Variants in LNPEP observed in about 807,000 individuals in gnomAD.
The protein encoded by LNPEP is leucyl and cystinyl aminopeptidase.
In LNPEP, 64 loss-of-function variants were observed where a neutral mutation model predicts 120.6. The observed-to-expected ratio is 0.53, with a 90% CI of 0.43 to 0.65. The LOEUF is 0.65. LNPEP is among the 30% of genes least tolerant of loss of function. LNPEP has a pLI of 0.00. For synonymous variants in LNPEP, 435 were observed against 425.4 expected (o/e 1.02, Z -0.28); for missense variants, 1,057 against 1,200.0 (o/e 0.88, Z 1.76).
chr5:96,953,730 A>AT (rs938324930), intron 1 of LNPEP, among the ~76,000 whole-genome samples: 5 of 152,158 alleles, frequency 3.3e-5, no homozygotes, highest in African/African-American at 1.2e-4. Flanking sequence ...GTATCTTGGT[A>AT]TTTTCTTTTT....
intron 13 of LNPEP, among the ~76,000 whole-genome samples, chr5:97,018,862 G>C (rs190414211): frequency 6.6e-6 from 1 of 152,284 alleles, no homozygotes; most frequent in East Asian, 1.9e-4. Context: ...GTTGTGATGG[G>C]TAGGGTCTGG....
chr5:97,013,623 C>G (rs778785904), intron 11 of LNPEP, 25 bp from the exon 12 acceptor site: 1 of 1,346,876 alleles, frequency 7.4e-7, no homozygotes, highest in South Asian at 2.0e-5. Flanking sequence ...CTCTCTCAAT[C>G]TCTCATTTTT....
At chr5:96,959,066 C>T (rs1359108356) in intron 1 of LNPEP, among the ~76,000 whole-genome samples, 2 of 152,024 alleles carry the variant, frequency 1.3e-5, no homozygotes, top group Admixed American at 6.6e-5. Context: ...CTTCATGATC[C>T]GCTTGCCTTG....
At position 96,979,491 on chromosome 5, in the gene LNPEP, A is replaced by G. The variant is rs149339901; in HGVS notation, c.373A>G (p.Ile125Val). 17 of 1,613,928 alleles carry G rather than the reference A, an allele frequency of 1.1e-5. No individual in the cohort carries two copies. Among genetic ancestry groups the G allele is most frequent in the Non-Finnish European group, 1.4e-5 (16 of 1,179,960 alleles). Residue 125 changes from isoleucine to valine, a missense_variant, in exon 2 of 18, where the codon ATC (isoleucine) becomes GTC (valine). Ile to Val is a conservative substitution (Grantham distance 29). Transcript: ENST00000231368. ...AFVIVVAVSV[I>V]MVIYLLPRCT... The stretch of plus-strand genomic sequence containing the variant: ...TGTCATCGTGGTTGCTGTTTCTGTA[A>G]TCATGGTGATTTACTTACTGCCCAG...
chr5:96,992,585 G>A (rs193144127), intron 4 of LNPEP, among the ~76,000 whole-genome samples: 192 of 152,240 alleles, frequency 1.3e-3, no homozygotes, highest in Admixed American at 2.6e-3. Context: ...GCACGGTGAG[G>A]TCCTGAAAGG....
At chr5:96,968,954 C>T (rs995375196) in intron 1 of LNPEP, among the ~76,000 whole-genome samples, 1 of 152,042 alleles carries the variant, frequency 6.6e-6, no homozygotes, top group African/African-American at 2.4e-5. Flanking sequence ...TACAGGGCCA[C>T]TGGGTCTCTT....
intron 2 of LNPEP, 43 bp from the exon 3 acceptor site, chr5:96,985,037 T>C (rs1790208348): frequency 2.5e-6 from 4 of 1,609,438 alleles, no homozygotes; most frequent in Admixed American, 3.3e-5. Context: ...CCTTGTACAG[T>C]AGGTGCTCAG....
chr5:97,005,992 ATAAAT>A, intron 9 of LNPEP, 76 bp from the exon 10 acceptor site: 2 of 355,830 alleles, frequency 5.6e-6, no homozygotes, highest in Admixed American at 5.2e-5. Context: ...AAGGGTACAG[ATAAAT>A]TAAAATGTAA....
chr5:96,991,105 A>G (rs1790379694), intron 4 of LNPEP, among the ~76,000 whole-genome samples: 1 of 152,094 alleles, frequency 6.6e-6, no homozygotes. Flanking sequence ...TATCATTCTT[A>G]TGCCTTTGCA....
chr5:97,006,333 A>T, intron 10 of LNPEP, 94 bp from the exon 11 acceptor site: 1 of 1,276,614 alleles, frequency 7.8e-7, no homozygotes, highest in Non-Finnish European at 1.1e-6. Context: ...ACCTAACAAG[A>T]TTATCCCTTC....
At chr5:97,009,042 T>G (rs1790862701) in intron 11 of LNPEP, among the ~76,000 whole-genome samples, 1 of 152,178 alleles carries the variant, frequency 6.6e-6, no homozygotes, top group Non-Finnish European at 1.5e-5. Flanking sequence ...TTTACTGCTT[T>G]AGCCTTCTAG....
At chr5:96,985,300 A>G (rs1378291324) in intron 3 of LNPEP, 82 bp downstream of exon 3, 25 of 1,145,128 alleles carry the variant, frequency 2.2e-5, no homozygotes, top group Non-Finnish European at 3.0e-5. Flanking sequence ...TTGCCAGACT[A>G]CAGTTGAGAA....
At chr5:97,014,899 G>GTC (rs776485303) in intron 12 of LNPEP, 40 bp from the exon 13 acceptor site, 72 of 1,411,934 alleles carry the variant, frequency 5.1e-5, no homozygotes, top group Non-Finnish European at 6.8e-5. Flanking sequence ...TCTTCTGTGT[G>GTC]TCTCTGCATA....
intron 6 of LNPEP, among the ~76,000 whole-genome samples, chr5:96,994,358 G>A (rs77286214): frequency 0.012 from 1,857 of 152,170 alleles, 43 homozygotes; most frequent in East Asian, 0.071. Flanking sequence ...ATACACAGCT[G>A]CATCACCTAT....
chr5:97,003,599 G>A (rs772572364), intron 9 of LNPEP, 53 bp downstream of exon 9: 156 of 1,325,678 alleles, frequency 1.2e-4, no homozygotes, highest in Non-Finnish European at 1.4e-4. Flanking sequence ...AGAGGAGTTC[G>A]TCTATTTATA....
At chr5:97,002,332 T>A (rs1045128891) in intron 8 of LNPEP, among the ~76,000 whole-genome samples, 1 of 152,002 alleles carries the variant, frequency 6.6e-6, no homozygotes, top group African/African-American at 2.4e-5. Flanking sequence ...TAGGGAAAGG[T>A]AGAGAGTCTT....
At chr5:96,945,242 TA>T in intron 1 of LNPEP, among the ~76,000 whole-genome samples, 1 of 115,232 alleles carries the variant, frequency 8.7e-6, no homozygotes, top group Non-Finnish European at 1.9e-5. Context: ...ACAAAAAAAT[TA>T]AAAATTAAAA....
intron 1 of LNPEP, among the ~76,000 whole-genome samples, chr5:96,952,671 G>A (rs1319718415): frequency 6.6e-6 from 1 of 152,182 alleles, no homozygotes; most frequent in Admixed American, 6.5e-5. Flanking sequence ...AAAGTAGAGA[G>A]AGACAGATTT....
intron 8 of LNPEP, among the ~76,000 whole-genome samples, chr5:97,001,808 A>G (rs78664071): frequency 0.015 from 2,300 of 152,238 alleles, 51 homozygotes; most frequent in South Asian, 0.088. Flanking sequence ...GAGAATTCAC[A>G]TTTGTATGGC....
Sources: gnomAD v4.1 joint callset for allele counts (sites outside exome capture counted in the v4.1 genomes callset) on GRCh38, gnomAD v4.1.1 for gene constraint, MANE v1.5 for transcripts, NCBI Gene and HGNC (gene_info 2026-07-23, HGNC 2026-07-21) for gene names.